CTNNA2: variants seen among roughly 807,000 people sequenced by gnomAD.
CTNNA2 encodes catenin alpha 2, also known as catenin alpha-2.
CTNNA2 carries 42 observed loss-of-function variants against 101.0 expected under a neutral mutation model. The observed-to-expected ratio is 0.42, with a 90% CI of 0.32 to 0.54. CTNNA2 has a LOEUF of 0.54. Among genes scored for constraint, CTNNA2 ranks in the 20% least tolerant of loss-of-function variants. CTNNA2 has a pLI of 0.14. For synonymous variants in CTNNA2, 450 were observed against 456.4 expected (o/e 0.99, Z 0.18); for missense variants, 871 against 1,223.1 (o/e 0.71, Z 4.29).
chr2:79,274,686 C>T (rs542751858), intron 2 of CTNNA2, among the ~76,000 whole-genome samples: 1 of 151,962 alleles, frequency 6.6e-6, no homozygotes, highest in African/African-American at 2.4e-5. Context: ...TGAGGTTTCT[C>T]CATATATTAT....
Position 80,555,770 on chromosome 2 carries a change from G to A in CTNNA2, c.1618G>A (p.Ala540Thr). ...CGATGTGGACACTCTGGACCGGACT[G>A]CAGGGGCCATCAGGGGCCGGGCAGC... is the stretch of plus-strand genomic sequence containing the variant. ...EGDVDTLDRT[A>T]GAIRGRAARV... is the part of the protein sequence containing the mutation. The change falls in exon 12 of 19, where the codon GCA becomes ACA. Residue 540 changes from alanine (A) to threonine (T), a missense_variant. Physicochemically the swap from Ala to Thr is moderately conservative, Grantham distance 58. Coordinates refer to ENST00000402739, the MANE Select transcript of CTNNA2 (RefSeq NM_001282597.3). 2 of 1,599,808 alleles carry A rather than the reference G, an allele frequency of 1.3e-6. No individual in the cohort carries two copies. The highest frequency in any genetic ancestry group is 1.7e-5 in the Admixed American group (1 of 58,034).
Position 80,419,621 on chromosome 2 carries a change from A to G in CTNNA2, c.1290+20A>G, listed in dbSNP as rs201884229. Reference sequence around the variant, plus strand: ...GTAGAGGTAAGTGTGGAGGGGCCTGAAGACTAGAGTTTACCGATGGGTTCA... The same window carrying G: ...GTAGAGGTAAGTGTGGAGGGGCCTGGAGACTAGAGTTTACCGATGGGTTCA... On this transcript the variant is annotated intron_variant, in intron 9 of 18. Transcript: ENST00000402739. 1 of 1,612,780 alleles carries G rather than the reference A, an allele frequency of 6.2e-7. No individual in the cohort carries two copies. Among genetic ancestry groups the G allele is most frequent in the East Asian group, 2.2e-5 (1 of 44,816 alleles).
chr2:80,251,778 G>A (rs1255018923), intron 7 of CTNNA2, among the ~76,000 whole-genome samples: 1 of 152,122 alleles, frequency 6.6e-6, no homozygotes, highest in Non-Finnish European at 1.5e-5. Context: ...TACCTGAGAA[G>A]TACTACCTAC....
chr2:79,864,781 C>T (rs1168427703), intron 4 of CTNNA2, among the ~76,000 whole-genome samples: 1 of 152,146 alleles, frequency 6.6e-6, no homozygotes, highest in Non-Finnish European at 1.5e-5. Context: ...AGTATGGGCT[C>T]TGGAGCAAAC....
chr2:80,111,686 C>T (rs538717104), intron 7 of CTNNA2, among the ~76,000 whole-genome samples: 23 of 152,112 alleles, frequency 1.5e-4, no homozygotes, highest in Non-Finnish European at 3.2e-4. Context: ...AAACCACAGG[C>T]ATGCACCACC....
At chr2:80,449,802 A>G (rs1179405217) in intron 9 of CTNNA2, among the ~76,000 whole-genome samples, 2 of 152,194 alleles carry the variant, frequency 1.3e-5, no homozygotes, top group African/African-American at 2.4e-5. Flanking sequence ...AGCTCACACT[A>G]TGTGCTTGGT....
intron 7 of CTNNA2, among the ~76,000 whole-genome samples, chr2:80,271,217 A>G (rs1558957707): frequency 6.6e-6 from 1 of 152,198 alleles, no homozygotes; most frequent in East Asian, 1.9e-4. Flanking sequence ...TGGGTCATAT[A>G]AGACTGAGAA....
chr2:79,357,195 A>G (rs1377924289), intron 3 of CTNNA2, among the ~76,000 whole-genome samples: 1 of 152,090 alleles, frequency 6.6e-6, no homozygotes, highest in Non-Finnish European at 1.5e-5. Context: ...GTGTGGTGGC[A>G]TGCACCTGTG....
intron 3 of CTNNA2, among the ~76,000 whole-genome samples, chr2:79,828,791 A>C (rs12713993): frequency 0.37 from 55,661 of 152,122 alleles, 10,425 homozygotes; most frequent in South Asian, 0.42. Flanking sequence ...CCTGTTAGAA[A>C]TGCAAATTCT....
At chr2:79,275,101 T>C (rs890920330) in intron 2 of CTNNA2, among the ~76,000 whole-genome samples, 2 of 152,070 alleles carry the variant, frequency 1.3e-5, no homozygotes, top group African/African-American at 4.8e-5. Flanking sequence ...GTTATTTTCC[T>C]GAAATAACCC....
chr2:79,531,678 A>T (rs1203673622), intron 1 of CTNNA2, among the ~76,000 whole-genome samples: 1 of 151,732 alleles, frequency 6.6e-6, no homozygotes, highest in Non-Finnish European at 1.5e-5. Flanking sequence ...AAATTATGTT[A>T]GTAAATTTTT....
chr2:79,981,353 C>T (rs1691257252), intron 7 of CTNNA2, among the ~76,000 whole-genome samples: 2 of 152,084 alleles, frequency 1.3e-5, no homozygotes, highest in African/African-American at 4.8e-5. Context: ...AGTGAGTCTT[C>T]AATTCTTGTG....
intron 9 of CTNNA2, among the ~76,000 whole-genome samples, chr2:80,448,042 A>C (rs547766614): frequency 6.6e-6 from 1 of 152,364 alleles, no homozygotes; most frequent in South Asian, 2.1e-4. Context: ...CAGAGCCTTT[A>C]TTACTGCACT....
intron 9 of CTNNA2, among the ~76,000 whole-genome samples, chr2:80,438,339 G>C (rs1682229477): frequency 6.6e-6 from 1 of 151,860 alleles, no homozygotes; most frequent in Non-Finnish European, 1.5e-5. Context: ...TATGGAGTTA[G>C]GGCTTCAACA....
intron 7 of CTNNA2, among the ~76,000 whole-genome samples, chr2:79,910,841 C>T (rs1430679231): frequency 2.6e-5 from 4 of 152,182 alleles, no homozygotes; most frequent in Admixed American, 6.5e-5. Context: ...AGCTAACAGA[C>T]ATGCAAGCAA....
intron 4 of CTNNA2, among the ~76,000 whole-genome samples, chr2:79,493,421 G>A (rs1385101802): frequency 6.6e-6 from 1 of 152,152 alleles, no homozygotes; most frequent in Non-Finnish European, 1.5e-5. Flanking sequence ...TTCGAGACCA[G>A]CCTGGCCAAT....
intron 9 of CTNNA2, among the ~76,000 whole-genome samples, chr2:80,469,688 A>T (rs1161844393): frequency 6.6e-6 from 1 of 152,004 alleles, no homozygotes; most frequent in Non-Finnish European, 1.5e-5. Context: ...TGTCTGTTGG[A>T]CCTTTGGGAT....
chr2:79,884,500 A>G (rs902459162), intron 6 of CTNNA2, among the ~76,000 whole-genome samples: 1 of 152,096 alleles, frequency 6.6e-6, no homozygotes, highest in Non-Finnish European at 1.5e-5. Context: ...CGAATACTTC[A>G]GCTTTGGAAG....
intron 3 of CTNNA2, among the ~76,000 whole-genome samples, chr2:79,340,650 G>T (rs553302113): frequency 4.6e-5 from 7 of 151,886 alleles, no homozygotes; most frequent in Admixed American, 3.9e-4. Flanking sequence ...TGGCTAACAC[G>T]GTGAAACCCT....
Sources: gnomAD v4.1 joint callset for allele counts (sites outside exome capture counted in the v4.1 genomes callset) on GRCh38, gnomAD v4.1.1 for gene constraint, MANE v1.5 for transcripts, NCBI Gene and HGNC (gene_info 2026-07-23, HGNC 2026-07-21) for gene names.